The following GABRA2 variants were observed in gnomAD, a reference collection of about 807,000 sequenced individuals.
GABRA2 encodes gamma-aminobutyric acid type A receptor subunit alpha2.
GABRA2 carries 16 observed loss-of-function variants against 48.7 expected under a neutral mutation model. That is an observed-to-expected ratio of 0.33 (90% confidence interval 0.22 to 0.50). The LOEUF is 0.50. GABRA2 is among the 20% of genes least tolerant of loss of function. The probability of loss-of-function intolerance (pLI) is 0.98; values close to 1 mark genes in which losing one functional copy is unlikely to be tolerated. For missense variants in GABRA2, 275 were observed against 535.6 expected (o/e 0.51, Z 4.80); for synonymous variants, 185 against 184.5 (o/e 1.00, Z -0.02).
chr4:46,330,834 G>T lies in GABRA2; in HGVS notation c.255+1781C>A, dbSNP rs186530391. Among the ~76,000 whole-genome samples, 143 of 152,072 alleles carry T rather than the reference G, an allele frequency of 9.4e-4. 2 individuals are homozygous for T. The highest frequency in any genetic ancestry group is 3.3e-3 in the African/African-American group (139 of 41,536). On this transcript the variant is annotated intron_variant, in intron 4 of 9. Transcript: ENST00000381620. ...AATATGCTAATTTCTCAATGTAGTA[G>T]TTAACAAAATTCTGACTCTACTTGA...
chr4:46,246,253 T>G lies in GABRA2; in HGVS notation c.*4055A>C, dbSNP rs1713695770. 6.6e-6 allele frequency among the ~76,000 whole-genome samples: 1 copy of G among 151,102 alleles called. No homozygotes were observed. Among genetic ancestry groups the G allele is most frequent in the African/African-American group, 2.4e-5 (1 of 41,326 alleles). On this transcript the variant is annotated 3_prime_UTR_variant, in exon 10 of 10. Transcript: ENST00000381620. ...TGTGGTTTCTTCTTTTCAGTAATTC[T>G]GAGCTCTTAAATACTGATGGAAAAT...
chr4:46,362,205 GT>G (rs1344379166), intron 3 of GABRA2, among the ~76,000 whole-genome samples: 6 of 152,020 alleles, frequency 3.9e-5, no homozygotes, highest in Non-Finnish European at 5.9e-5. Context: ...TTGATGGGAG[GT>G]AACTGAATCA....
At chr4:46,333,162 TA>T (rs34751096) in intron 3 of GABRA2, among the ~76,000 whole-genome samples, 1 of 152,100 alleles carries the variant, frequency 6.6e-6, no homozygotes, top group Non-Finnish European at 1.5e-5. Context: ...TTGGTAATTA[TA>T]AATAAACATA....
intron 2 of GABRA2, among the ~76,000 whole-genome samples, chr4:46,388,341 G>A (rs1431759699): frequency 6.6e-6 from 1 of 152,138 alleles, no homozygotes; most frequent in African/African-American, 2.4e-5. Flanking sequence ...TATATTATAA[G>A]TGCCTATAAT....
At chr4:46,284,029 G>A (rs1214371982) in intron 8 of GABRA2, among the ~76,000 whole-genome samples, 1 of 149,324 alleles carries the variant, frequency 6.7e-6, no homozygotes, top group Non-Finnish European at 1.5e-5. Flanking sequence ...AAAGTGCTGG[G>A]ACTACAGGCA....
chr4:46,309,719 GA>G (rs2109672233), intron 6 of GABRA2, among the ~76,000 whole-genome samples: 1 of 152,096 alleles, frequency 6.6e-6, no homozygotes, highest in East Asian at 1.9e-4. Flanking sequence ...AAATAAAAAA[GA>G]AATCCTTCCA....
chr4:46,345,638 G>A (rs1734024304), intron 3 of GABRA2, among the ~76,000 whole-genome samples: 1 of 151,778 alleles, frequency 6.6e-6, no homozygotes, highest in Non-Finnish European at 1.5e-5. Context: ...CTGCTCATTA[G>A]GATACCTTGC....
chr4:46,375,925 C>T (rs1050936624), intron 3 of GABRA2, among the ~76,000 whole-genome samples: 5 of 152,212 alleles, frequency 3.3e-5, no homozygotes, highest in African/African-American at 4.8e-5. Flanking sequence ...CAAAACTTGG[C>T]TAACTCCAGT....
chr4:46,320,249 A>G (rs897226729), intron 4 of GABRA2, among the ~76,000 whole-genome samples: 1 of 151,870 alleles, frequency 6.6e-6, no homozygotes, highest in African/African-American at 2.4e-5. Context: ...CACTAGAATT[A>G]AATTGGACAT....
At chr4:46,309,053 A>C (rs1727182571) in intron 6 of GABRA2, among the ~76,000 whole-genome samples, 1 of 152,176 alleles carries the variant, frequency 6.6e-6, no homozygotes, top group African/African-American at 2.4e-5. Context: ...ACTATCTTAA[A>C]TAATGTTGGA....
intron 3 of GABRA2, among the ~76,000 whole-genome samples, chr4:46,337,169 A>G (rs921854945): frequency 2.0e-5 from 3 of 152,166 alleles, no homozygotes; most frequent in Non-Finnish European, 4.4e-5. Flanking sequence ...AATTTGTAAT[A>G]CAAGAAATGT....
intron 3 of GABRA2, chr4:46,368,684 C>G: frequency 3.1e-6 from 1 of 321,846 alleles, no homozygotes; most frequent in Non-Finnish European, 5.6e-6. Flanking sequence ...GTTTGGGAAG[C>G]ACAGATTTTG....
intron 8 of GABRA2, among the ~76,000 whole-genome samples, chr4:46,295,172 C>T (rs958893604): frequency 2.0e-5 from 3 of 152,222 alleles, no homozygotes; most frequent in African/African-American, 7.2e-5. Context: ...AGTTCTAGGA[C>T]ATCCCTGAAG....
intron 3 of GABRA2, among the ~76,000 whole-genome samples, chr4:46,352,323 C>A (rs1735264714): frequency 6.6e-6 from 1 of 151,876 alleles, no homozygotes; most frequent in Non-Finnish European, 1.5e-5. Context: ...CATTTCTGAA[C>A]TCTGTTTACA....
intron 8 of GABRA2, among the ~76,000 whole-genome samples, chr4:46,297,592 T>A (rs10014375): frequency 0.4 from 59,241 of 146,466 alleles, 12,300 homozygotes; most frequent in East Asian, 0.54. Flanking sequence ...TTATTAATAA[T>A]CCCTAGTAAT....
intron 3 of GABRA2, among the ~76,000 whole-genome samples, chr4:46,339,923 G>C (rs1732930071): frequency 6.6e-6 from 1 of 151,732 alleles, no homozygotes; most frequent in Admixed American, 6.6e-5. Context: ...TGGCTATCTA[G>C]TAGAGTTTTT....
chr4:46,277,247 T>C (rs1276256676), intron 8 of GABRA2, among the ~76,000 whole-genome samples: 3 of 152,254 alleles, frequency 2.0e-5, no homozygotes, highest in Middle Eastern at 3.4e-3. Flanking sequence ...TTCAGACACT[T>C]TCCTAATTGG....
Position 46,360,248 on chromosome 4 carries a change from G to C in GABRA2, c.187+25826C>G, listed in dbSNP as rs544666052. On this transcript the variant is annotated intron_variant, in intron 3 of 9. Coordinates refer to ENST00000381620, the MANE Select transcript of GABRA2 (RefSeq NM_000807.4). ...TTGTATATCAATTATGATATAGTTT[G>C]GCTGTTTCCTCACCGAAATCTCATC... 6.5e-4 allele frequency among the ~76,000 whole-genome samples: 99 copies of C among 152,288 alleles called. 1 individual carries two copies. Among genetic ancestry groups the C allele is most frequent in the Admixed American group, 3.3e-3 (50 of 15,300 alleles).
chr4:46,299,011 CAT>C (rs1277745867), intron 8 of GABRA2, among the ~76,000 whole-genome samples: 3 of 150,788 alleles, frequency 2.0e-5, no homozygotes, highest in Non-Finnish European at 1.5e-5. Flanking sequence ...TTATTAGAAT[CAT>C]ATATTTATGA....
Sources: gnomAD v4.1 joint callset for allele counts (sites outside exome capture counted in the v4.1 genomes callset) on GRCh38, gnomAD v4.1.1 for gene constraint, MANE v1.5 for transcripts, NCBI Gene and HGNC (gene_info 2026-07-23, HGNC 2026-07-21) for gene names.